ERC1: variants seen among roughly 807,000 people sequenced by gnomAD.
ERC1 encodes ELKS/RAB6-interacting/CAST family member 1, also known as RAB6 interacting protein 2.
In ERC1, 56 loss-of-function variants were observed where a neutral mutation model predicts 132.0. That is an observed-to-expected ratio of 0.42 (90% CI 0.34 to 0.53). ERC1 has a LOEUF of 0.53. Ranked by LOEUF, ERC1 falls within the 20% of genes least tolerant of loss-of-function variation. ERC1 has a pLI of 0.03. For synonymous variants in ERC1, 478 were observed against 476.1 expected, an observed-to-expected ratio of 1.00 and a Z score of -0.05; for missense variants, 1,202 against 1,349.9, an observed-to-expected ratio of 0.89 and a Z score of 1.72.
At chr12:1,257,872 A>G (rs979439645) in intron 13 of ERC1, among the ~76,000 whole-genome samples, 8 of 152,184 alleles carry the variant, frequency 5.3e-5, no homozygotes, top group Admixed American at 2.0e-4. Context: ...AATATATCCA[A>G]AATATTATTT....
At chr12:1,392,727 A>G (rs984842813) in intron 16 of ERC1, among the ~76,000 whole-genome samples, 7 of 152,246 alleles carry the variant, frequency 4.6e-5, no homozygotes, top group Non-Finnish European at 8.8e-5. Flanking sequence ...TTCAACAACT[A>G]TGAAGAGATA....
chr12:1,396,952 A>G (rs1380820138), intron 16 of ERC1, among the ~76,000 whole-genome samples: 1 of 152,158 alleles, frequency 6.6e-6, no homozygotes, highest in African/African-American at 2.4e-5. Flanking sequence ...GACTCTGGGA[A>G]GGAGCCCAGA....
chr12:1,051,775 G>A (rs1002730056), intron 2 of ERC1, among the ~76,000 whole-genome samples: 10 of 151,964 alleles, frequency 6.6e-5, no homozygotes, highest in Admixed American at 6.6e-5. Flanking sequence ...GGCAGGGGGA[G>A]AGGAAAAGAA....
At chr12:1,299,872 A>C (rs2080256925) in intron 15 of ERC1, among the ~76,000 whole-genome samples, 1 of 152,212 alleles carries the variant, frequency 6.6e-6, no homozygotes, top group African/African-American at 2.4e-5. Flanking sequence ...TATACCAATA[A>C]ATTTAATAGA....
intron 15 of ERC1, among the ~76,000 whole-genome samples, chr12:1,346,267 T>A (rs1013955659): frequency 6.6e-6 from 1 of 152,210 alleles, no homozygotes; most frequent in African/African-American, 2.4e-5. Context: ...TAGAGATTGC[T>A]AGAAAACAGC....
intron 2 of ERC1, among the ~76,000 whole-genome samples, chr12:1,069,816 T>C (rs1032239745): frequency 3.3e-5 from 5 of 152,206 alleles, no homozygotes; most frequent in Non-Finnish European, 7.4e-5. Flanking sequence ...TCATACTATT[T>C]GGGTTAATTA....
At chr12:1,150,870 C>G (rs1393390585) in intron 8 of ERC1, among the ~76,000 whole-genome samples, 1 of 152,092 alleles carries the variant, frequency 6.6e-6, no homozygotes, top group Non-Finnish European at 1.5e-5. Flanking sequence ...ATGACATATC[C>G]CAGGCAATAT....
chr12:1,479,831 G>T (rs11061775), intron 18 of ERC1, among the ~76,000 whole-genome samples: 67,767 of 151,890 alleles, frequency 0.45, 17,517 homozygotes, highest in African/African-American at 0.72. Context: ...AGGCAGGACG[G>T]ATCCAGACTC....
intron 15 of ERC1, among the ~76,000 whole-genome samples, chr12:1,362,157 G>T (rs564818151): frequency 1.3e-5 from 2 of 152,258 alleles, no homozygotes; most frequent in African/African-American, 4.8e-5. Flanking sequence ...CACCATAAAT[G>T]ATATTTAACA....
intron 17 of ERC1, among the ~76,000 whole-genome samples, chr12:1,434,871 A>G (rs1450166616): frequency 6.6e-6 from 1 of 152,232 alleles, no homozygotes; most frequent in Non-Finnish European, 1.5e-5. Context: ...AGCTTTGCTT[A>G]AGCGTCCACA....
intron 16 of ERC1, among the ~76,000 whole-genome samples, chr12:1,389,865 G>C (rs1485752789): frequency 6.6e-6 from 1 of 152,172 alleles, no homozygotes; most frequent in African/African-American, 2.4e-5. Flanking sequence ...TAAAAAATCT[G>C]TTTTGCATTC....
At chr12:1,342,611 C>T (rs2084028721) in intron 15 of ERC1, among the ~76,000 whole-genome samples, 1 of 152,134 alleles carries the variant, frequency 6.6e-6, no homozygotes, top group Non-Finnish European at 1.5e-5. Context: ...TGGTATTGTA[C>T]AGACCCTCCT....
intron 2 of ERC1, among the ~76,000 whole-genome samples, chr12:1,035,697 C>T (rs1304827593): frequency 2.0e-5 from 3 of 151,866 alleles, no homozygotes; most frequent in African/African-American, 4.8e-5. Flanking sequence ...CTGAGGTGGG[C>T]GGATCACGAG....
chr12:1,161,640 C>T (rs1223906775), intron 8 of ERC1, among the ~76,000 whole-genome samples: 2 of 152,136 alleles, frequency 1.3e-5, no homozygotes, highest in African/African-American at 4.8e-5. Context: ...GATTTTCAAT[C>T]AAAAACTGTA....
intron 16 of ERC1, 150 bp from the exon 17 acceptor site, chr12:1,407,999 C>A: frequency 1.7e-6 from 1 of 590,856 alleles, no homozygotes; most frequent in Non-Finnish European, 3.0e-6. Flanking sequence ...AAACTCTTTC[C>A]AGTATCCTCA....
intron 12 of ERC1, 81 bp downstream of exon 12, chr12:1,190,133 T>A: frequency 8.3e-7 from 1 of 1,207,354 alleles, no homozygotes; most frequent in Non-Finnish European, 1.2e-6. Flanking sequence ...ACTTTTTCAG[T>A]GTATCTAACT....
chr12:1,297,180 G>C (rs1307736474), intron 15 of ERC1, among the ~76,000 whole-genome samples: 1 of 143,882 alleles, frequency 7.0e-6, no homozygotes, highest in African/African-American at 2.6e-5. Flanking sequence ...GAAGACAATG[G>C]AACTTCTTTC....
intron 18 of ERC1, among the ~76,000 whole-genome samples, chr12:1,450,767 T>C (rs144809799): frequency 6.6e-6 from 1 of 152,326 alleles, no homozygotes; most frequent in African/African-American, 2.4e-5. Flanking sequence ...CCACCAGCGG[T>C]ACACAAGCGT....
intron 18 of ERC1, among the ~76,000 whole-genome samples, chr12:1,447,028 C>T (rs183030855): frequency 3.6e-4 from 41 of 114,958 alleles, no homozygotes; most frequent in Admixed American, 2.9e-3. Context: ...GTCTCTAAAA[C>T]GAAAAAAAAA....
Sources: gnomAD v4.1 joint callset for allele counts (sites outside exome capture counted in the v4.1 genomes callset) on GRCh38, gnomAD v4.1.1 for gene constraint, MANE v1.5 for transcripts, NCBI Gene and HGNC (gene_info 2026-07-23, HGNC 2026-07-21) for gene names.